HTR1F: variants seen among roughly 807,000 people sequenced by gnomAD.
HTR1F encodes 5-hydroxytryptamine receptor 1F.
A neutral mutation model predicts 24.0 loss-of-function variants in HTR1F; 17 were observed. The observed-to-expected ratio is 0.71, with a 90% CI of 0.48 to 1.06. The LOEUF (loss-of-function observed/expected upper bound fraction) is 1.06, where lower values mean the gene tolerates loss of function less well. Ranked by LOEUF, HTR1F falls within the 50% of genes least tolerant of loss-of-function variation. The probability of loss-of-function intolerance (pLI) is 0.00; values close to 1 mark genes in which losing one functional copy is unlikely to be tolerated. For missense variants in HTR1F, 391 were observed against 427.8 expected (o/e 0.91, Z 0.76); for synonymous variants, 186 against 156.8 (o/e 1.19, Z -1.39).
At chr3:87,967,590 G>C (rs866771772) in intron 2 of HTR1F, among the ~76,000 whole-genome samples, 16 of 152,026 alleles carry the variant, frequency 1.1e-4, no homozygotes, top group Admixed American at 2.6e-4. Context: ...GAATCATGGG[G>C]GGGGGTGGGT....
At chr3:87,954,364 G>C (rs1704899446) in intron 2 of HTR1F, among the ~76,000 whole-genome samples, 2 of 151,616 alleles carry the variant, frequency 1.3e-5, no homozygotes, top group Non-Finnish European at 3.0e-5. Flanking sequence ...GAAACTCTAA[G>C]AAAAGCAAAA....
chr3:87,893,346 A>G (rs1406570728), intron 2 of HTR1F, among the ~76,000 whole-genome samples: 1 of 152,202 alleles, frequency 6.6e-6, no homozygotes, highest in Non-Finnish European at 1.5e-5. Flanking sequence ...ATCATTCCTA[A>G]AAATGATTCC....
chr3:87,891,808 T>G (rs1706092504), intron 2 of HTR1F, among the ~76,000 whole-genome samples: 1 of 152,220 alleles, frequency 6.6e-6, no homozygotes, highest in African/African-American at 2.4e-5. Context: ...TGTCACATTC[T>G]TTATCCCATT....
intron 2 of HTR1F, among the ~76,000 whole-genome samples, chr3:87,989,970 A>G (rs1159716771): frequency 6.6e-6 from 1 of 152,248 alleles, no homozygotes; most frequent in South Asian, 2.1e-4. Context: ...CTTTTAATTT[A>G]TAACTGAGGT....
rs1705711004 is a variant in HTR1F at position 87,878,107 on chromosome 3, G to T, written c.-43+55983G>T. ...TAAGTTTAAATAGATTGAGAATCTA[G>T]GAATTGGCTCTGAGGTAGAAATAAG... On this transcript the variant is annotated intron_variant, in intron 2 of 2. Coordinates refer to ENST00000319595, the MANE Select transcript of HTR1F (RefSeq NM_001322209.2). Among the ~76,000 whole-genome samples, 3 of 152,166 alleles carry T rather than the reference G, an allele frequency of 2.0e-5. No homozygotes were observed. In the South Asian group the frequency reaches 6.2e-4, roughly 32 times the overall value.
intron 2 of HTR1F, among the ~76,000 whole-genome samples, chr3:87,901,821 CAT>C (rs1037762632): frequency 3.3e-5 from 5 of 151,978 alleles, no homozygotes; most frequent in Non-Finnish European, 4.4e-5. Flanking sequence ...TTTCTAGTGA[CAT>C]ATTTTATTTA....
chr3:87,910,097 C>T (rs1703745806), intron 2 of HTR1F: 1 of 152,058 alleles, frequency 6.6e-6, no homozygotes, highest in East Asian at 1.9e-4. Flanking sequence ...CTTATCCCTT[C>T]TTATTCTTCA....
intron 2 of HTR1F, among the ~76,000 whole-genome samples, chr3:87,857,875 C>G (rs1705229781): frequency 6.6e-6 from 1 of 152,080 alleles, no homozygotes; most frequent in South Asian, 2.1e-4. Context: ...GAGTATGGAA[C>G]TTTTGGGGAG....
At chr3:87,842,437 C>A (rs1704829756) in intron 2 of HTR1F, among the ~76,000 whole-genome samples, 1 of 151,844 alleles carries the variant, frequency 6.6e-6, no homozygotes, top group African/African-American at 2.4e-5. Flanking sequence ...GCTGCGATTA[C>A]AGGTGTGAGC....
intron 2 of HTR1F, among the ~76,000 whole-genome samples, chr3:87,954,228 T>C (rs1704895735): frequency 6.6e-6 from 1 of 151,836 alleles, no homozygotes; most frequent in Non-Finnish European, 1.5e-5. Context: ...TGATAAATGT[T>C]TGAGGTGATG....
At chr3:87,801,082 G>A (rs550092060) in intron 1 of HTR1F, among the ~76,000 whole-genome samples, 1 of 152,240 alleles carries the variant, frequency 6.6e-6, no homozygotes, top group Admixed American at 6.5e-5. Flanking sequence ...TGAATATGGA[G>A]TTACATTTTC....
rs1175680436 is a variant in HTR1F, at chr3:87,978,999, A to T, written c.-42-11709A>T. 2.4e-3 allele frequency among the ~76,000 whole-genome samples: 212 copies of T among 88,278 alleles called. 2 individuals carry two copies. The highest frequency in any genetic ancestry group is 4.1e-3 in the Non-Finnish European group (178 of 43,082). 57.9% of individuals were successfully genotyped at this position (88,278 alleles called of 152,430 possible). On this transcript the variant is annotated intron_variant, in intron 2 of 2. Transcript: ENST00000319595. ...ACCCTAATGGGCAATCAGGGACTGG[A>T]GGGGAAGGAAGGGAGGGAAGGAGGG...
At chr3:87,831,130 T>G (rs1275419299) in intron 2 of HTR1F, among the ~76,000 whole-genome samples, 1 of 151,714 alleles carries the variant, frequency 6.6e-6, no homozygotes, top group African/African-American at 2.4e-5. Flanking sequence ...TAGTGTGGGG[T>G]CTAAGTATAC....
intron 2 of HTR1F, among the ~76,000 whole-genome samples, chr3:87,836,945 T>C (rs1333254062): frequency 1.3e-5 from 2 of 152,068 alleles, no homozygotes; most frequent in African/African-American, 4.8e-5. Context: ...AATAAAATAA[T>C]ACTTTGTAGA....
chr3:87,983,363 T>C (rs933710201), intron 2 of HTR1F, among the ~76,000 whole-genome samples: 4 of 152,206 alleles, frequency 2.6e-5, no homozygotes, highest in Non-Finnish European at 4.4e-5. Flanking sequence ...GAGTTTCCCA[T>C]CTCTCTCAGT....
At chr3:87,838,911 T>C (rs780183560) in intron 2 of HTR1F, among the ~76,000 whole-genome samples, 1 of 151,864 alleles carries the variant, frequency 6.6e-6, no homozygotes, top group Non-Finnish European at 1.5e-5. Context: ...TGTATACTTT[T>C]GATATTAATT....
chr3:87,832,412 CT>C (rs1704601212), intron 2 of HTR1F, among the ~76,000 whole-genome samples: 1 of 149,118 alleles, frequency 6.7e-6, no homozygotes, highest in African/African-American at 2.5e-5. Flanking sequence ...ACTGCAACCT[CT>C]TCCTCCCGGG....
intron 2 of HTR1F, among the ~76,000 whole-genome samples, chr3:87,939,498 G>T (rs1018854552): frequency 6.6e-6 from 1 of 152,104 alleles, no homozygotes; most frequent in African/African-American, 2.4e-5. Flanking sequence ...AAATCCATCT[G>T]GTCCTGGGCT....
chr3:87,965,851 C>T (rs1410951875), intron 2 of HTR1F, among the ~76,000 whole-genome samples: 1 of 152,150 alleles, frequency 6.6e-6, no homozygotes, highest in Non-Finnish European at 1.5e-5. Flanking sequence ...GCTGTTTATA[C>T]CCGGATTAGA....
Sources: allele counts gnomAD v4.1 joint callset (sites outside exome capture counted in the v4.1 genomes callset), GRCh38; gene constraint gnomAD v4.1.1; transcripts MANE v1.5; gene names NCBI Gene and HGNC (gene_info 2026-07-23, HGNC 2026-07-21).